Variants in CDYL observed in about 807,000 individuals in gnomAD.
The protein encoded by CDYL is chromodomain Y-like protein.
CDYL carries 8 observed loss-of-function variants against 47.3 expected under a neutral mutation model. The observed-to-expected ratio is 0.17, with a 90% CI of 0.10 to 0.31. The LOEUF is 0.31. Among genes scored for constraint, CDYL ranks in the 10% least tolerant of loss-of-function variants. The pLI is 1.00. For missense variants in CDYL, 471 were observed against 701.4 expected (o/e 0.67, Z 3.71); for synonymous variants, 266 against 265.0 (o/e 1.00, Z -0.04).
chr6:4,802,047 T>G (rs1221696173), intron 1 of CDYL, among the ~76,000 whole-genome samples: 2 of 152,206 alleles, frequency 1.3e-5, no homozygotes, highest in Non-Finnish European at 2.9e-5. Context: ...TTCCAGATTT[T>G]GATATCTGGC....
intron 2 of CDYL, among the ~76,000 whole-genome samples, chr6:4,916,401 A>G (rs1003277947): frequency 2.6e-5 from 4 of 152,210 alleles, no homozygotes; most frequent in Admixed American, 1.3e-4. Context: ...AAATCTATGT[A>G]CTTGTGGATA....
chr6:4,720,672 G>C (rs1582277320), intron 2 of CDYL, among the ~76,000 whole-genome samples: 1 of 152,182 alleles, frequency 6.6e-6, no homozygotes, highest in East Asian at 1.9e-4. Context: ...AGGAAACAAG[G>C]ATTTGGGGAG....
intron 2 of CDYL, among the ~76,000 whole-genome samples, chr6:4,917,849 G>A (rs1292735557): frequency 1.3e-5 from 2 of 152,188 alleles, no homozygotes; most frequent in African/African-American, 4.8e-5. Flanking sequence ...GGTGTCTGAA[G>A]TTCTGCCCTC....
intron 2 of CDYL, among the ~76,000 whole-genome samples, chr6:4,730,658 GA>G (rs1159551167): frequency 2.7e-5 from 3 of 113,190 alleles, no homozygotes; most frequent in Non-Finnish European, 5.1e-5. Flanking sequence ...TGGGCAACAA[GA>G]GCGAAATTCC....
At chr6:4,826,869 CT>C (rs1759995271) in intron 1 of CDYL, among the ~76,000 whole-genome samples, 1 of 152,160 alleles carries the variant, frequency 6.6e-6, no homozygotes, top group African/African-American at 2.4e-5. Flanking sequence ...CTGTTTTGAT[CT>C]TCTAGATAAT....
Position 4,861,270 on chromosome 6 carries a change from A to G in CDYL, c.25-30443A>G, listed in dbSNP as rs139522287. On this transcript the variant is annotated intron_variant, in intron 1 of 6. Transcript: ENST00000397588. ...GGGTGTGCACCCAGGCCTGAAAGGC[A>G]CTAAGTGCAAATGGAGTCGTTAACT... is the stretch of plus-strand genomic sequence containing the variant. Among the ~76,000 whole-genome samples the G allele has an allele frequency of 5.0e-3, 767 of 152,374 alleles. 5 individuals carry two copies. The highest frequency in any genetic ancestry group is 0.023 in the South Asian group (112 of 4,830).
chr6:4,789,231 G>A (rs1012932465), intron 1 of CDYL, among the ~76,000 whole-genome samples: 3 of 152,084 alleles, frequency 2.0e-5, no homozygotes, highest in Admixed American at 6.5e-5. Context: ...GTGCACCACC[G>A]TGCCTGGCTA....
intron 2 of CDYL, among the ~76,000 whole-genome samples, chr6:4,725,621 C>T (rs1757497665): frequency 6.6e-6 from 1 of 152,258 alleles, no homozygotes; most frequent in African/African-American, 2.4e-5. Context: ...GCCGAGCCCA[C>T]GCCCACCCGG....
At chr6:4,802,668 T>C (rs1346310676) in intron 1 of CDYL, among the ~76,000 whole-genome samples, 10 of 152,240 alleles carry the variant, frequency 6.6e-5, no homozygotes, top group Non-Finnish European at 1.5e-4. Flanking sequence ...CTTGTCTGTT[T>C]CATGAGCGTG....
intron 1 of CDYL, among the ~76,000 whole-genome samples, chr6:4,831,176 T>C (rs1041676159): frequency 1.4e-4 from 22 of 152,168 alleles, no homozygotes; most frequent in African/African-American, 5.3e-4. Flanking sequence ...GAGGAATTAA[T>C]GCCTAGGTTT....
At chr6:4,776,953 T>A in intron 1 of CDYL, 146 bp downstream of exon 1, 1 of 205,530 alleles carries the variant, frequency 4.9e-6, no homozygotes, top group Non-Finnish European at 7.9e-6. Flanking sequence ...GGGAAATGTG[T>A]GTGAGGGGAG....
chr6:4,730,674 CAAAAAAAAAAAAAAA>C (rs56956798), intron 2 of CDYL, among the ~76,000 whole-genome samples: 3 of 60,454 alleles, frequency 5.0e-5, no homozygotes, highest in Non-Finnish European at 7.2e-5. Flanking sequence ...AATTCCATCT[CAAAAAAAAAAAAAAA>C]AAAAAAAAAA....
In CDYL at chr6:4,854,072, G is replaced by T. The variant is rs558348513; in HGVS notation, c.25-37641G>T. Among the ~76,000 whole-genome samples, 6 of 152,340 alleles carry T rather than the reference G, an allele frequency of 3.9e-5. 1 individual carries two copies. Among genetic ancestry groups the T allele is most frequent in the African/African-American group, 1.4e-4 (6 of 41,582 alleles). ...GTACTTTGCACACGTGTCCCTGGGG[G>T]TGTAGTTCACTGTGCACACACGGCC... is the stretch of plus-strand genomic sequence containing the variant. On this transcript the variant is annotated intron_variant, in intron 1 of 6. Coordinates refer to ENST00000397588, the MANE Select transcript of CDYL (RefSeq NM_004824.4).
chr6:4,862,824 C>T lies in CDYL; in HGVS notation c.25-28889C>T, dbSNP rs115431674. Among the ~76,000 whole-genome samples the T allele has an allele frequency of 4.8e-3, 735 of 152,290 alleles. 4 individuals carry two copies. Among genetic ancestry groups the T allele is most frequent in the Non-Finnish European group, 7.5e-3 (507 of 68,020 alleles). On this transcript the variant is annotated intron_variant, in intron 1 of 6. Transcript: ENST00000397588. ...CTCAAAGAACTAAAATTAGAACTGTCATTTGACCCAGCAATCCCTCTACTG... is the reference window on the plus strand; with the variant it reads ...CTCAAAGAACTAAAATTAGAACTGTTATTTGACCCAGCAATCCCTCTACTG...
intron 2 of CDYL, among the ~76,000 whole-genome samples, chr6:4,912,891 T>C (rs999691016): frequency 2.0e-5 from 3 of 152,160 alleles, no homozygotes; most frequent in African/African-American, 7.2e-5. Flanking sequence ...ATGACCCAAT[T>C]GCCTCTTAAA....
chr6:4,774,302 G>C (rs1006239802), upstream of CDYL, among the ~76,000 whole-genome samples: 4 of 152,192 alleles, frequency 2.6e-5, no homozygotes, highest in African/African-American at 9.7e-5. Flanking sequence ...AGCGCTTGCC[G>C]AAGTGTGCAC....
intron 1 of CDYL, among the ~76,000 whole-genome samples, chr6:4,711,363 T>C (rs1016912496): frequency 3.9e-5 from 6 of 152,216 alleles, no homozygotes; most frequent in African/African-American, 1.4e-4. Flanking sequence ...AAGGCTCTTC[T>C]CTGGTTGTTT....
intron 5 of CDYL, 87 bp from the exon 6 acceptor site, chr6:4,952,179 T>C (rs2793263): frequency 0.99 from 1,445,635 of 1,457,384 alleles, 717,707 homozygotes; most frequent in East Asian, 1. Context: ...TTGTGAATGT[T>C]TCCCTTCGGT....
intron 2 of CDYL, among the ~76,000 whole-genome samples, chr6:4,718,825 C>T (rs1344626624): frequency 6.6e-6 from 1 of 151,940 alleles, no homozygotes; most frequent in African/African-American, 2.4e-5. Flanking sequence ...TATGCATCTA[C>T]ATTATCATTT....
Sources: gnomAD v4.1 joint callset for allele counts (sites outside exome capture counted in the v4.1 genomes callset) on GRCh38, gnomAD v4.1.1 for gene constraint, MANE v1.5 for transcripts, NCBI Gene and HGNC (gene_info 2026-07-23, HGNC 2026-07-21) for gene names.